The following C10orf90 variants were observed in gnomAD, a reference collection of about 807,000 sequenced individuals.
C10orf90 encodes chromosome 10 open reading frame 90, also known as (E2-independent) E3 ubiquitin-conjugating enzyme FATS.
C10orf90 carries 56 observed loss-of-function variants against 62.5 expected under a neutral mutation model. That is an observed-to-expected ratio of 0.90 (90% CI 0.72 to 1.12). The LOEUF is 1.12. C10orf90 is among the 50% of genes most tolerant of loss of function. The pLI, the probability that C10orf90 is intolerant of heterozygous loss-of-function variation, is 0.00. For synonymous variants in C10orf90, 386 were observed against 340.4 expected (o/e 1.13, Z -1.47); for missense variants, 970 against 880.4 (o/e 1.10, Z -1.29).
chr10:126,633,643 G>A (rs572437893), intron 2 of C10orf90, among the ~76,000 whole-genome samples: 6 of 152,314 alleles, frequency 3.9e-5, no homozygotes, highest in African/African-American at 1.4e-4. Flanking sequence ...CGACTTCCTG[G>A]GATGGCAGGC....
intron 2 of C10orf90, among the ~76,000 whole-genome samples, chr10:126,597,116 T>C (rs1341975117): frequency 1.3e-5 from 2 of 152,250 alleles, no homozygotes; most frequent in African/African-American, 2.4e-5. Context: ...TGTGAAGTAA[T>C]ACAGTTCACT....
At chr10:126,535,700 G>C (rs1288895745) in intron 2 of C10orf90, among the ~76,000 whole-genome samples, 1 of 152,102 alleles carries the variant, frequency 6.6e-6, no homozygotes, top group African/African-American at 2.4e-5. Flanking sequence ...GGAGAAAAAT[G>C]GCCGTTTCTT....
chr10:126,579,770 AAG>A (rs1844708075), intron 2 of C10orf90, among the ~76,000 whole-genome samples: 1 of 152,118 alleles, frequency 6.6e-6, no homozygotes, highest in Non-Finnish European at 1.5e-5. Context: ...AAAAAAAAAA[AAG>A]AGCTGATTCT....
At position 126,548,062 on chromosome 10, in the gene C10orf90, GA is replaced by G. The variant is rs919842519; in HGVS notation, c.314-34124del. Reference sequence around the variant, plus strand: ...GAACACCAAAGATGATAAACAAACAGAAAAAAAAATCTACACCAAGACACAT... The same window carrying G: ...GAACACCAAAGATGATAAACAAACAGAAAAAAAATCTACACCAAGACACAT... On this transcript the variant is annotated intron_variant, in intron 2 of 9. Coordinates refer to ENST00000488181, the MANE Select transcript of C10orf90 (RefSeq NM_001350921.2). Among the ~76,000 whole-genome samples, 6 of 145,612 alleles carry G rather than the reference GA, an allele frequency of 4.1e-5. No homozygotes were observed. The South Asian group carries it at 6.7e-4, about 16-fold the overall frequency.
chr10:126,571,568 A>G (rs1243600414), intron 2 of C10orf90, among the ~76,000 whole-genome samples: 2 of 152,216 alleles, frequency 1.3e-5, no homozygotes, highest in Non-Finnish European at 2.9e-5. Flanking sequence ...CTCACCTTCC[A>G]TCATTAGCAT....
At chr10:126,649,972 G>C (rs1846258741) in intron 1 of C10orf90, among the ~76,000 whole-genome samples, 1 of 152,040 alleles carries the variant, frequency 6.6e-6, no homozygotes, top group Admixed American at 6.5e-5. Context: ...TGGGAGCTTG[G>C]GAGGGAGTGG....
intron 2 of C10orf90, among the ~76,000 whole-genome samples, chr10:126,580,121 C>T (rs1464027875): frequency 6.6e-6 from 1 of 152,124 alleles, no homozygotes; most frequent in Non-Finnish European, 1.5e-5. Context: ...TGGTCAGCGT[C>T]CAGAGCTGAT....
chr10:126,429,745 C>T (rs372328461), intron 8 of C10orf90, 42 bp downstream of exon 8: 1 of 1,573,568 alleles, frequency 6.4e-7, no homozygotes, highest in African/African-American at 1.4e-5. Context: ...CCACCCTACT[C>T]CCCCCACCAA....
intron 7 of C10orf90, among the ~76,000 whole-genome samples, chr10:126,437,535 A>G (rs1213077619): frequency 6.6e-6 from 1 of 152,166 alleles, no homozygotes; most frequent in Non-Finnish European, 1.5e-5. Context: ...AAATCCCTAC[A>G]TGGGTTTTGA....
At chr10:126,603,996 C>T (rs898607047) in intron 2 of C10orf90, among the ~76,000 whole-genome samples, 3 of 152,142 alleles carry the variant, frequency 2.0e-5, no homozygotes, top group Non-Finnish European at 2.9e-5. Context: ...TGGCTGAGCT[C>T]GAAGCCTGGA....
At chr10:126,461,653 A>G (rs1017362890) in intron 5 of C10orf90, 68 bp from the exon 6 acceptor site, 1 of 1,450,296 alleles carries the variant, frequency 6.9e-7, no homozygotes. Flanking sequence ...CCTCAATACC[A>G]TTAGACACAG....
Position 126,650,303 on chromosome 10 carries a change from C to A in C10orf90, c.241-3666G>T, listed in dbSNP as rs181916090. The stretch of plus-strand genomic sequence containing the variant: ...TACGGTGTTATTTAGTGAATGGAAA[C>A]GGTAGTTTACCAAAGCCACACAATG... On this transcript the variant is annotated intron_variant, in intron 1 of 9. Coordinates refer to ENST00000488181, the MANE Select transcript of C10orf90 (RefSeq NM_001350921.2). 2.6e-5 allele frequency among the ~76,000 whole-genome samples: 4 copies of A among 152,242 alleles called. No individual in the cohort carries two copies. The East Asian group carries it at 5.8e-4, about 22-fold the overall frequency.
chr10:126,662,481 G>GT (rs1026173073), intron 1 of C10orf90, among the ~76,000 whole-genome samples: 82 of 152,110 alleles, frequency 5.4e-4, no homozygotes, highest in African/African-American at 1.8e-3. Flanking sequence ...TTCTGGAGCT[G>GT]TTTTTTTTCC....
rs533292671 is a variant in C10orf90 at position 126,545,069 on chromosome 10, T to A, written c.314-31130A>T. 2.0e-5 allele frequency among the ~76,000 whole-genome samples: 3 copies of A among 152,296 alleles called. No homozygotes were observed. The South Asian group carries it at 6.2e-4, about 32-fold the overall frequency. ...GTTAACCTGTGCCTGAAAATAAGCA[T>A]CTTACAGCTTAGCCAAAGTCATGCA... On this transcript the variant is annotated intron_variant, in intron 2 of 9. Transcript: ENST00000488181.
At chr10:126,525,194 C>A (rs1863900004) in intron 2 of C10orf90, among the ~76,000 whole-genome samples, 2 of 152,182 alleles carry the variant, frequency 1.3e-5, no homozygotes, top group South Asian at 4.1e-4. Flanking sequence ...GGTGAACAAG[C>A]AACCCACCAG....
rs1844620028 is a variant in C10orf90, at chr10:126,576,676, T to TAAAGA, written c.314-62738_314-62737insTCTTT. On this transcript the variant is annotated intron_variant, in intron 2 of 9. Transcript: ENST00000488181. ...CAAGATATGTATACATATATATGTA[T>TAAAGA]ACATATACATATACATGTATATGTA... Among the ~76,000 whole-genome samples the TAAAGA allele has an allele frequency of 3.5e-3, 147 of 41,710 alleles. 15 individuals carry two copies. Among genetic ancestry groups the TAAAGA allele is most frequent in the East Asian group, 0.011 (22 of 1,976 alleles). The allele number at this position is 41,710 out of a possible 152,430, so 27.4% of individuals were successfully genotyped here.
intron 2 of C10orf90, among the ~76,000 whole-genome samples, chr10:126,541,159 C>T (rs1483054752): frequency 6.6e-6 from 1 of 151,824 alleles, no homozygotes; most frequent in Non-Finnish European, 1.5e-5. Flanking sequence ...GCTTAACAGA[C>T]TGGAAGAAAA....
chr10:126,579,681 G>A (rs1007846201), intron 2 of C10orf90, among the ~76,000 whole-genome samples: 1 of 151,826 alleles, frequency 6.6e-6, no homozygotes, highest in Non-Finnish European at 1.5e-5. Flanking sequence ...AGTTTTTCAG[G>A]GGTGATCTCT....
At chr10:126,653,887 A>C (rs1846339657) in intron 1 of C10orf90, among the ~76,000 whole-genome samples, 1 of 152,234 alleles carries the variant, frequency 6.6e-6, no homozygotes, top group Admixed American at 6.5e-5. Context: ...CATGAAAACA[A>C]CACTAATCTT....
Sources: allele counts gnomAD v4.1 joint callset (sites outside exome capture counted in the v4.1 genomes callset), GRCh38; gene constraint gnomAD v4.1.1; transcripts MANE v1.5; gene names NCBI Gene and HGNC (gene_info 2026-07-23, HGNC 2026-07-21).